The following ADAMTS17 variants were observed in gnomAD, a reference collection of about 807,000 sequenced individuals.
ADAMTS17 encodes the protein ADAM metallopeptidase with thrombospondin type 1 motif 17.
A neutral mutation model predicts 141.5 loss-of-function variants in ADAMTS17; 113 were observed. The ratio of observed to expected loss-of-function variants is 0.80; its 90% confidence interval spans 0.69 to 0.93. ADAMTS17 has a LOEUF of 0.93. ADAMTS17 is among the 40% of genes least tolerant of loss of function. The probability of loss-of-function intolerance (pLI) is 0.00; values close to 1 mark genes in which losing one functional copy is unlikely to be tolerated. For missense variants in ADAMTS17, 1,659 were observed against 1,517.9 expected (o/e 1.09, Z -1.54); for synonymous variants, 768 against 630.6 (o/e 1.22, Z -3.27).
At chr15:100,094,061 G>A (rs955656567) in intron 15 of ADAMTS17, among the ~76,000 whole-genome samples, 1 of 151,156 alleles carries the variant, frequency 6.6e-6, no homozygotes, top group African/African-American at 2.4e-5. Context: ...TGGGCTCGTG[G>A]TCACAGACTC....
chr15:100,118,577 A>G (rs2037285016), intron 12 of ADAMTS17, among the ~76,000 whole-genome samples: 1 of 152,228 alleles, frequency 6.6e-6, no homozygotes, highest in South Asian at 2.1e-4. Context: ...TCTAGAAGGC[A>G]AGGGAGGCAT....
intron 12 of ADAMTS17, among the ~76,000 whole-genome samples, chr15:100,125,169 G>C (rs1159749703): frequency 6.6e-6 from 1 of 152,222 alleles, no homozygotes. Context: ...TCTGAGAAGA[G>C]AGCAGGGCAA....
intron 18 of ADAMTS17, among the ~76,000 whole-genome samples, chr15:100,016,375 T>A (rs1358601803): frequency 6.6e-6 from 1 of 152,216 alleles, no homozygotes; most frequent in African/African-American, 2.4e-5. Context: ...AATCAGAGAT[T>A]TCATCTTGGT....
intron 8 of ADAMTS17, among the ~76,000 whole-genome samples, chr15:100,165,918 G>T (rs2039934951): frequency 6.6e-6 from 1 of 151,950 alleles, no homozygotes; most frequent in South Asian, 2.1e-4. Flanking sequence ...AATGGCCTTG[G>T]GTATTTTGAG....
chr15:100,069,092 G>A (rs111983859), intron 15 of ADAMTS17, among the ~76,000 whole-genome samples: 9 of 152,334 alleles, frequency 5.9e-5, no homozygotes, highest in Admixed American at 2.6e-4. Flanking sequence ...ACTACGTGAC[G>A]AATGCAGAAG....
chr15:100,295,644 C>T (rs903603857), intron 3 of ADAMTS17, among the ~76,000 whole-genome samples: 1 of 152,214 alleles, frequency 6.6e-6, no homozygotes, highest in African/African-American at 2.4e-5. Context: ...CCTTTTATTT[C>T]TCTAGCCCTA....
chr15:99,974,609 C>T (rs770072956), intron 21 of ADAMTS17, 47 bp from the exon 22 acceptor site: 4 of 1,612,590 alleles, frequency 2.5e-6, no homozygotes, highest in Non-Finnish European at 3.4e-6. Flanking sequence ...ATGGCCTAGG[C>T]ATGTCCTGAT....
intron 13 of ADAMTS17, among the ~76,000 whole-genome samples, chr15:100,114,799 G>T (rs946533276): frequency 2.0e-5 from 3 of 152,232 alleles, no homozygotes; most frequent in Non-Finnish European, 4.4e-5. Flanking sequence ...GAGGATCTGG[G>T]CAGACTCAAG....
intron 7 of ADAMTS17, among the ~76,000 whole-genome samples, chr15:100,208,747 T>C (rs1169289061): frequency 1.0e-5 from 1 of 98,382 alleles, no homozygotes; most frequent in Non-Finnish European, 2.0e-5. Flanking sequence ...CACACATGCA[T>C]GTGAAATAGA....
chr15:100,283,867 A>C (rs2044363338), intron 3 of ADAMTS17, among the ~76,000 whole-genome samples: 1 of 152,210 alleles, frequency 6.6e-6, no homozygotes, highest in African/African-American at 2.4e-5. Flanking sequence ...GCACTTTGGA[A>C]GGCCAAGGAG....
intron 15 of ADAMTS17, among the ~76,000 whole-genome samples, chr15:100,082,191 G>C (rs191251355): frequency 6.7e-4 from 102 of 152,022 alleles, no homozygotes; most frequent in Non-Finnish European, 1.1e-3. Flanking sequence ...TCGGCCTCCC[G>C]AGTAGCTGGG....
rs991606754 is a variant in ADAMTS17, at chr15:99,997,898, C to A, written c.2592-309G>T. On this transcript the variant is annotated intron_variant, in intron 18 of 21. Coordinates refer to ENST00000268070, the MANE Select transcript of ADAMTS17 (RefSeq NM_139057.4). This position sits in a 1 kb window ranked among gnomAD's most constrained non-coding sequence, Gnocchi z 4.7. ...ACGTATCTGCTTGTCGTCATAGGAC[C>A]TGCTTCTTTCGACAGGGTGTGAGTG... 2.6e-5 allele frequency among the ~76,000 whole-genome samples: 4 copies of A among 152,188 alleles called. No individual in the cohort carries two copies. The highest frequency in any genetic ancestry group is 9.7e-5 in the African/African-American group (4 of 41,450).
intron 14 of ADAMTS17, 73 bp downstream of exon 14, chr15:100,108,916 C>T: frequency 6.2e-7 from 1 of 1,607,832 alleles, no homozygotes; most frequent in African/African-American, 1.3e-5. Context: ...CTCTGCTCTA[C>T]CCCACTCCCT....
Position 99,993,295 on chromosome 15 carries a change from G to C in ADAMTS17, c.2797-95C>G. The C allele has an allele frequency of 6.5e-7, 1 of 1,531,212 alleles. No homozygotes were observed. Among genetic ancestry groups the C allele is most frequent in the South Asian group, 1.1e-5 (1 of 89,178 alleles). The allele number at this position is 1,531,212 out of a possible 1,614,324, so 94.9% of individuals were successfully genotyped here. A position where few individuals can be genotyped will look rare whatever the true frequency, so the allele number is the denominator to read the frequency against. ...CCTCCAATGTGCCAGGTGCGGTGTG[G>C]GGATGATACAAAGATGAAAACCCAC... is the stretch of plus-strand genomic sequence containing the variant. On this transcript the variant is annotated intron_variant, in intron 19 of 21. Transcript: ENST00000268070. This position sits in a 1 kb window ranked among gnomAD's most constrained non-coding sequence, Gnocchi z 4.3.
At chr15:100,241,897 T>C (rs1465141327) in intron 7 of ADAMTS17, among the ~76,000 whole-genome samples, 1 of 152,184 alleles carries the variant, frequency 6.6e-6, no homozygotes, top group Non-Finnish European at 1.5e-5. Flanking sequence ...ACTGAAGTCC[T>C]AAATAGTAGC....
Position 99,997,417 on chromosome 15 carries a change from G to C in ADAMTS17, c.2764C>G (p.Leu922Val). The change falls in exon 19 of 22, where the codon CTG (leucine) becomes GTG (valine). Residue 922 changes from leucine to valine, a missense_variant. Leu to Val is a conservative substitution (Grantham distance 32). Transcript: ENST00000268070. The surrounding 1 kb of genome is among the most constrained non-coding windows in gnomAD (Gnocchi z 4.7). ...AVQSCEGQDCLSIWEASEWSQ... is the reference protein window; with the variant it reads ...AVQSCEGQDCVSIWEASEWSQ... ...CACTCAGACGCCTCCCAGATGGACA[G>C]GCAGTCCTGGCCTTCACAGCTCTGC... The C allele has an allele frequency of 6.2e-7, 1 of 1,613,766 alleles. No individual in the cohort carries two copies. The highest frequency in any genetic ancestry group is 8.5e-7 in the Non-Finnish European group (1 of 1,179,988).
At chr15:100,161,707 C>A (rs1439486115) in intron 8 of ADAMTS17, among the ~76,000 whole-genome samples, 2 of 152,196 alleles carry the variant, frequency 1.3e-5, no homozygotes, top group Non-Finnish European at 2.9e-5. Context: ...CCAGATTGTG[C>A]CCCCAGTCTT....
At chr15:100,219,177 C>T (rs2141771283) in intron 7 of ADAMTS17, among the ~76,000 whole-genome samples, 1 of 152,268 alleles carries the variant, frequency 6.6e-6, no homozygotes, top group South Asian at 2.1e-4. Context: ...GTGACTAGTG[C>T]TTGGGGACAA....
chr15:100,276,984 A>G (rs1187024888), intron 4 of ADAMTS17, among the ~76,000 whole-genome samples: 1 of 152,006 alleles, frequency 6.6e-6, no homozygotes, highest in African/African-American at 2.4e-5. Context: ...ATGGTGGTCC[A>G]GGGCTAGAGC....
Sources: allele counts gnomAD v4.1 joint callset (sites outside exome capture counted in the v4.1 genomes callset), GRCh38; gene constraint gnomAD v4.1.1; non-coding constraint Gnocchi (gnomAD v3.1); transcripts MANE v1.5; gene names NCBI Gene and HGNC (gene_info 2026-07-23, HGNC 2026-07-21).